Variants in EML5 observed in about 807,000 individuals in gnomAD.
The protein encoded by EML5 is echinoderm microtubule-associated protein-like 5.
EML5 carries 120 observed loss-of-function variants against 250.0 expected under a neutral mutation model. The observed-to-expected ratio is 0.48, with a 90% CI of 0.41 to 0.56. The LOEUF (loss-of-function observed/expected upper bound fraction) is 0.56, where lower values mean the gene tolerates loss of function less well. EML5 is among the 20% of genes least tolerant of loss of function. The probability of loss-of-function intolerance (pLI) is 0.00; values close to 1 mark genes in which losing one functional copy is unlikely to be tolerated. For synonymous variants in EML5, 771 were observed against 806.5 expected (o/e 0.96, Z 0.75); for missense variants, 2,006 against 2,437.6 (o/e 0.82, Z 3.73).
At chr14:88,753,420 T>C (rs1325502192) in intron 2 of EML5, among the ~76,000 whole-genome samples, 2 of 152,238 alleles carry the variant, frequency 1.3e-5, no homozygotes, top group Non-Finnish European at 1.5e-5. Flanking sequence ...TTCAAGGGGA[T>C]AGAACACACT....
At chr14:88,635,749 C>T (rs2090688274) in intron 32 of EML5, among the ~76,000 whole-genome samples, 1 of 152,020 alleles carries the variant, frequency 6.6e-6, no homozygotes, top group South Asian at 2.1e-4. Context: ...GTCTGTCTTC[C>T]CCCAAAATTC....
chr14:88,756,694 G>A (rs925107415), intron 1 of EML5, among the ~76,000 whole-genome samples: 5 of 151,886 alleles, frequency 3.3e-5, no homozygotes, highest in South Asian at 2.1e-4. Flanking sequence ...CACTAGCAAC[G>A]AACAATAAAA....
intron 1 of EML5, among the ~76,000 whole-genome samples, chr14:88,786,104 T>C (rs1174662659): frequency 6.6e-6 from 1 of 152,132 alleles, no homozygotes; most frequent in Non-Finnish European, 1.5e-5. Context: ...CATTTGATAG[T>C]CCCTTTACTT....
chr14:88,651,640 C>G (rs2091632960), intron 27 of EML5, among the ~76,000 whole-genome samples: 1 of 151,916 alleles, frequency 6.6e-6, no homozygotes, highest in Admixed American at 6.6e-5. Flanking sequence ...CTTTTCATTA[C>G]TTAGGAGACA....
At position 88,685,094 on chromosome 14, in the gene EML5, T is replaced by A. The variant is rs750966241; in HGVS notation, c.2903A>T (p.His968Leu). 1 of 1,610,816 alleles carries A rather than the reference T, an allele frequency of 6.2e-7. No individual in the cohort carries two copies. The highest frequency in any genetic ancestry group is 1.3e-5 in the African/African-American group (1 of 74,970). Reference protein sequence around the residue: ...NPSIRAISLGHGHILVGTKNG... With the variant: ...NPSIRAISLGLGHILVGTKNG... ...CTTTGTGCCAACTAAAATATGACCA[T>A]GTCCTAATGATATGGCACGTATAGA... The change falls in exon 20 of 44, where the codon CAT becomes CTT. Residue 968 changes from histidine (H) to leucine (L), a missense_variant. Physicochemically the swap from His to Leu is moderately conservative, Grantham distance 99. This residue lies in a region of EML5 where 1,375 missense variants were observed against 1,590.3 expected (regional missense o/e 0.86). Transcript: ENST00000554922.
intron 10 of EML5, among the ~76,000 whole-genome samples, chr14:88,710,002 G>T (rs1264839012): frequency 6.6e-6 from 1 of 152,054 alleles, no homozygotes; most frequent in Non-Finnish European, 1.5e-5. Flanking sequence ...AAGTACAGAG[G>T]GGGTCTTGGC....
chr14:88,762,183 G>A (rs1254480951), intron 1 of EML5, among the ~76,000 whole-genome samples: 1 of 152,082 alleles, frequency 6.6e-6, no homozygotes, highest in African/African-American at 2.4e-5. Context: ...CAATACAGGA[G>A]CACCCAGATT....
At chr14:88,740,872 C>T (rs950134664) in intron 4 of EML5, among the ~76,000 whole-genome samples, 1 of 152,042 alleles carries the variant, frequency 6.6e-6, no homozygotes, top group Non-Finnish European at 1.5e-5. Flanking sequence ...CTACATAAAA[C>T]TTAGATTAAG....
At position 88,677,228 on chromosome 14, in the gene EML5, G is replaced by C. The variant is rs370444569; in HGVS notation, c.3124+4662C>G. Among the ~76,000 whole-genome samples the C allele has an allele frequency of 2.1e-4, 32 of 152,244 alleles. No individual in the cohort carries two copies. In the East Asian group the frequency reaches 5.8e-3, roughly 28 times the overall value. ...CCAGATTCCCTATTTAATAAATGAT[G>C]CTGGGAAAACTGGCTGGCCACATGC... On this transcript the variant is annotated intron_variant, in intron 21 of 43. Transcript: ENST00000554922.
intron 8 of EML5, among the ~76,000 whole-genome samples, chr14:88,720,007 C>T (rs1341192942): frequency 1.3e-5 from 2 of 152,272 alleles, no homozygotes; most frequent in East Asian, 3.9e-4. Context: ...ATACCATAAA[C>T]ACTTCTATGC....
chr14:88,625,204 T>A, intron 35 of EML5, 77 bp from the exon 36 acceptor site: 2 of 1,488,498 alleles, frequency 1.3e-6, no homozygotes, highest in Non-Finnish European at 1.8e-6. Flanking sequence ...TTTCTATGTA[T>A]GTGTAATGCT....
intron 23 of EML5, among the ~76,000 whole-genome samples, chr14:88,663,908 C>T (rs1297872): frequency 0.65 from 98,406 of 151,950 alleles, 33,698 homozygotes; most frequent in East Asian, 0.92. Flanking sequence ...TTTTTTTGCA[C>T]AATATTTAAA....
chr14:88,644,310 G>T, intron 30 of EML5, 123 bp downstream of exon 30: 2 of 809,610 alleles, frequency 2.5e-6, no homozygotes, highest in South Asian at 1.9e-5. Flanking sequence ...TAAGAATTAA[G>T]TCAAACAAAA....
Position 88,625,143 on chromosome 14 carries a change from G to A in EML5, c.4741-16C>T. ...TCAAGTTATTCTGAAAAGGAGTGGG[G>A]GAGGGGGAGACAAACTCATCAAAAG... On this transcript the variant is annotated splice_polypyrimidine_tract_variant and intron_variant, in intron 35 of 43. Transcript: ENST00000554922. 6.2e-7 allele frequency: 1 copy of A among 1,612,642 alleles called. No individual in the cohort carries two copies. The highest frequency in any genetic ancestry group is 2.2e-5 in the East Asian group (1 of 44,846).
chr14:88,676,146 T>C (rs2141102148), intron 21 of EML5, among the ~76,000 whole-genome samples: 1 of 152,332 alleles, frequency 6.6e-6, no homozygotes, highest in East Asian at 1.9e-4. Flanking sequence ...GCTTCCACAT[T>C]TTCAGGTATC....
At chr14:88,689,344 C>T (rs543295754) in intron 17 of EML5, among the ~76,000 whole-genome samples, 3 of 152,166 alleles carry the variant, frequency 2.0e-5, no homozygotes, top group East Asian at 3.8e-4. Flanking sequence ...TACACTCCTA[C>T]GAACAGTGAA....
At position 88,702,603 on chromosome 14, in the gene EML5, AG is replaced by A. The variant is rs1226516556; in HGVS notation, c.2080del (p.Leu694CysfsTer40). On this transcript the variant is annotated frameshift_variant, in exon 14 of 44. Coordinates refer to ENST00000554922, the MANE Select transcript of EML5 (RefSeq NM_183387.3). LOFTEE classifies it high-confidence loss of function. Reference sequence around the variant, plus strand: ...AATTTCACCAATTTGAGTATAAAACAGATTACTTCGACAGTCATAACCTCTG... The same window carrying A: ...AATTTCACCAATTTGAGTATAAAACAATTACTTCGACAGTCATAACCTCTG... ...GYRGYDCRSN[L>X]FYTQIGEIVY... 2 of 1,602,814 alleles carry A rather than the reference AG, an allele frequency of 1.2e-6. No homozygotes were observed. The highest frequency in any genetic ancestry group is 3.4e-5 in the Admixed American group (2 of 58,230).
Position 88,618,317 on chromosome 14 carries a change from G to A in EML5, c.5553C>T (p.Cys1851=). 1 of 1,613,094 alleles carries A rather than the reference G, an allele frequency of 6.2e-7. No individual in the cohort carries two copies. The highest frequency in any genetic ancestry group is 8.5e-7 in the Non-Finnish European group (1 of 1,179,770). Residue 1851 remains cysteine, a synonymous_variant, in exon 41 of 44, where the codon TGC becomes TGT. Transcript: ENST00000554922. ...DSSYLQVSSG[C]YKRHVYEVPS... ...GCACTTCATAGACATGCCGTTTATA[G>A]CAGCCACTAGAGACCTTTTTCATCA...
At chr14:88,716,654 G>C (rs2093498790) in intron 8 of EML5, among the ~76,000 whole-genome samples, 1 of 151,806 alleles carries the variant, frequency 6.6e-6, no homozygotes, top group South Asian at 2.1e-4. Flanking sequence ...TTTTTGTTTA[G>C]AGACTTAATT....
Sources: allele counts gnomAD v4.1 joint callset (sites outside exome capture counted in the v4.1 genomes callset), GRCh38; gene constraint gnomAD v4.1.1; regional missense constraint gnomAD v4.1.1; transcripts MANE v1.5; gene names NCBI Gene and HGNC (gene_info 2026-07-23, HGNC 2026-07-21).